Variants in GRIK2 observed in about 807,000 individuals in gnomAD.
The protein encoded by GRIK2 is glutamate ionotropic receptor kainate type subunit 2, also known as glutamate receptor ionotropic, kainate 2.
GRIK2 carries 32 observed loss-of-function variants against 100.3 expected under a neutral mutation model. The observed-to-expected ratio is 0.32, with a 90% CI of 0.24 to 0.43. The LOEUF (loss-of-function observed/expected upper bound fraction) is 0.43, where lower values mean the gene tolerates loss of function less well. Ranked by LOEUF, GRIK2 falls within the 20% of genes least tolerant of loss-of-function variation. GRIK2 has a pLI of 1.00. For missense variants in GRIK2, 843 were observed against 1,114.9 expected (o/e 0.76, Z 3.47); for synonymous variants, 417 against 389.4 (o/e 1.07, Z -0.83).
intron 16 of GRIK2, chr6:102,063,865 T>C (rs1771874115): frequency 3.2e-6 from 2 of 616,124 alleles, no homozygotes; most frequent in Admixed American, 2.9e-5. Context: ...TAAATATAAA[T>C]TGACTAATTA....
intron 2 of GRIK2, among the ~76,000 whole-genome samples, chr6:101,541,201 A>G (rs574765531): frequency 5.8e-4 from 88 of 152,116 alleles, no homozygotes; most frequent in African/African-American, 2.0e-3. Context: ...CAAAGCAGTG[A>G]ATTAGAAAGG....
chr6:102,040,409 CTT>C (rs1434711023), intron 15 of GRIK2, among the ~76,000 whole-genome samples: 1 of 151,386 alleles, frequency 6.6e-6, no homozygotes, highest in East Asian at 1.9e-4. Flanking sequence ...CCTCAAGTAA[CTT>C]TTATCAAATT....
At chr6:101,946,799 C>G (rs921926920) in intron 14 of GRIK2, among the ~76,000 whole-genome samples, 3 of 151,832 alleles carry the variant, frequency 2.0e-5, no homozygotes, top group Admixed American at 1.3e-4. Context: ...TATTGTAAAC[C>G]ATTTATTTTT....
chr6:101,701,964 T>C (rs1772930714), intron 7 of GRIK2, among the ~76,000 whole-genome samples: 1 of 152,050 alleles, frequency 6.6e-6, no homozygotes, highest in Non-Finnish European at 1.5e-5. Context: ...TATCCACTGG[T>C]TAAAATATAC....
At chr6:101,831,127 TTAAAAA>T (rs1198853617) in intron 10 of GRIK2, among the ~76,000 whole-genome samples, 3 of 152,050 alleles carry the variant, frequency 2.0e-5, no homozygotes, top group Non-Finnish European at 2.9e-5. Context: ...AAAAAATAAT[TTAAAAA>T]TAAAACACAA....
chr6:101,722,505 AATAG>A (rs769547478), intron 7 of GRIK2, among the ~76,000 whole-genome samples: 1 of 152,044 alleles, frequency 6.6e-6, no homozygotes, highest in Non-Finnish European at 1.5e-5. Flanking sequence ...AAATACGGTA[AATAG>A]ATCTGATAAC....
chr6:101,735,301 CT>C (rs964865616), intron 7 of GRIK2, among the ~76,000 whole-genome samples: 3 of 151,874 alleles, frequency 2.0e-5, no homozygotes, highest in African/African-American at 4.8e-5. Context: ...GTACCATCAA[CT>C]TTTTTTTGGC....
chr6:101,475,692 A>G, intron 2 of GRIK2, among the ~76,000 whole-genome samples: 1 of 152,080 alleles, frequency 6.6e-6, no homozygotes, highest in Non-Finnish European at 1.5e-5. Flanking sequence ...TTATTCAATA[A>G]TCTTATGTTT....
At chr6:102,047,752 GAA>G (rs375364723) in intron 15 of GRIK2, among the ~76,000 whole-genome samples, 114 of 148,414 alleles carry the variant, frequency 7.7e-4, no homozygotes, top group East Asian at 5.2e-3. Context: ...CCATCTCAAA[GAA>G]AAAAGAAAAA....
At chr6:101,962,238 T>G (rs1225539445) in intron 14 of GRIK2, among the ~76,000 whole-genome samples, 2 of 152,158 alleles carry the variant, frequency 1.3e-5, no homozygotes, top group African/African-American at 2.4e-5. Flanking sequence ...ACTGTGGCAC[T>G]CTTCCCTCGG....
At chr6:101,442,326 A>C (rs1274055323) in intron 2 of GRIK2, among the ~76,000 whole-genome samples, 2 of 152,076 alleles carry the variant, frequency 1.3e-5, no homozygotes, top group East Asian at 3.9e-4. Context: ...CAGGCTCTTC[A>C]CCTCACCTGT....
chr6:101,760,752 A>T (rs868630917), intron 7 of GRIK2, among the ~76,000 whole-genome samples: 81 of 105,684 alleles, frequency 7.7e-4, no homozygotes, highest in East Asian at 1.4e-3. Context: ...TTAATTATAT[A>T]TAATTATATA....
At chr6:102,046,312 A>ACTT (rs1195416442) in intron 15 of GRIK2, among the ~76,000 whole-genome samples, 2 of 152,082 alleles carry the variant, frequency 1.3e-5, no homozygotes, top group African/African-American at 4.8e-5. Flanking sequence ...CTTGAACTGC[A>ACTT]CTTTTGATAT....
intron 2 of GRIK2, among the ~76,000 whole-genome samples, chr6:101,567,111 T>C (rs941981938): frequency 6.1e-4 from 92 of 151,928 alleles, no homozygotes; most frequent in East Asian, 3.5e-3. Flanking sequence ...CTGTTTTACC[T>C]ACAAACATAT....
At chr6:101,861,338 A>C (rs1784723321) in intron 11 of GRIK2, among the ~76,000 whole-genome samples, 1 of 152,198 alleles carries the variant, frequency 6.6e-6, no homozygotes, top group Admixed American at 6.5e-5. Context: ...AGATGGTATT[A>C]CAATGAGAAA....
chr6:101,910,685 A>G (rs1766496990), intron 12 of GRIK2, among the ~76,000 whole-genome samples: 1 of 151,476 alleles, frequency 6.6e-6, no homozygotes, highest in South Asian at 2.1e-4. Flanking sequence ...AAATAAAATA[A>G]TAGATCTGCC....
intron 16 of GRIK2, among the ~76,000 whole-genome samples, chr6:102,057,009 C>T (rs943645810): frequency 2.0e-5 from 3 of 151,862 alleles, no homozygotes; most frequent in East Asian, 1.9e-4. Context: ...TCTAAGTACA[C>T]TTTTTATGTT....
In GRIK2 at chr6:101,519,825, C is replaced by G. The variant is rs143437337; in HGVS notation, c.116-102124C>G. 4.6e-4 allele frequency among the ~76,000 whole-genome samples: 70 copies of G among 152,242 alleles called. 1 individual carries two copies. Among genetic ancestry groups the G allele is most frequent in the African/African-American group, 1.7e-3 (69 of 41,544 alleles). ...AACCAGTTAAACTGAGTATCTGCAC[C>G]TTCACATTTGACTCTGTTAAATAAT... On this transcript the variant is annotated intron_variant, in intron 2 of 16. Transcript: ENST00000369134.
At chr6:101,822,460 A>G (rs1449492409) in intron 10 of GRIK2, among the ~76,000 whole-genome samples, 2 of 152,036 alleles carry the variant, frequency 1.3e-5, no homozygotes, top group Non-Finnish European at 1.5e-5. Flanking sequence ...AGAGAACAGC[A>G]TATTCAAGCA....
Sources: allele counts gnomAD v4.1 joint callset (sites outside exome capture counted in the v4.1 genomes callset), GRCh38; gene constraint gnomAD v4.1.1; transcripts MANE v1.5; gene names NCBI Gene and HGNC (gene_info 2026-07-23, HGNC 2026-07-21).